The following FARS2 variants were observed in gnomAD, a reference collection of about 807,000 sequenced individuals.
The protein encoded by FARS2 is phenylalanyl-tRNA synthetase 2, mitochondrial.
FARS2 carries 40 observed loss-of-function variants against 46.4 expected under a neutral mutation model. The observed-to-expected ratio is 0.86, with a 90% confidence interval of 0.67 to 1.12. The LOEUF (loss-of-function observed/expected upper bound fraction) is 1.12, where lower values mean the gene tolerates loss of function less well. Among genes scored for constraint, FARS2 ranks in the 50% most tolerant of loss-of-function variants. The pLI, the probability that FARS2 is intolerant of heterozygous loss-of-function variation, is 0.00. For missense variants in FARS2, 513 were observed against 567.9 expected (o/e 0.90, Z 0.98); for synonymous variants, 234 against 214.9 (o/e 1.09, Z -0.78).
chr6:5,542,803 A>G (rs972670161), intron 4 of FARS2, among the ~76,000 whole-genome samples: 1 of 152,112 alleles, frequency 6.6e-6, no homozygotes, highest in Non-Finnish European at 1.5e-5. Flanking sequence ...ATTTAAATAT[A>G]TTTTCTGATT....
chr6:5,399,133 A>T (rs990109263), intron 2 of FARS2, among the ~76,000 whole-genome samples: 693 of 42,238 alleles, frequency 0.016, 9 homozygotes, highest in African/African-American at 0.08. Flanking sequence ...TTATTTTATT[A>T]TTATTATTAT....
intron 6 of FARS2, among the ~76,000 whole-genome samples, chr6:5,616,259 G>T (rs1031487033): frequency 2.0e-5 from 3 of 152,128 alleles, no homozygotes; most frequent in Non-Finnish European, 2.9e-5. Flanking sequence ...GCTGTGGAGT[G>T]CCAATTCAGC....
At chr6:5,497,957 G>A (rs1284210900) in intron 4 of FARS2, among the ~76,000 whole-genome samples, 1 of 152,184 alleles carries the variant, frequency 6.6e-6, no homozygotes, top group African/African-American at 2.4e-5. Context: ...CTATAATTTA[G>A]GGATTGTGTA....
At position 5,566,764 on chromosome 6, in the gene FARS2, G is replaced by A. The variant is rs1772346041; in HGVS notation, c.1065+21424G>A. On this transcript the variant is annotated intron_variant, in intron 5 of 6. Coordinates refer to ENST00000274680, the MANE Select transcript of FARS2 (RefSeq NM_006567.5). Reference sequence around the variant, plus strand: ...TTAAGAAAATCCTTTTAAATCCCTTGTTACTTGACTTTAGCCACACCAAGC... The same window carrying A: ...TTAAGAAAATCCTTTTAAATCCCTTATTACTTGACTTTAGCCACACCAAGC... Among the ~76,000 whole-genome samples the A allele has an allele frequency of 2.0e-5, 3 of 152,182 alleles. No individual in the cohort carries two copies. In the South Asian group the frequency reaches 6.2e-4, roughly 32 times the overall value.
At chr6:5,273,338 C>T (rs4499975) in intron 1 of FARS2, among the ~76,000 whole-genome samples, 78,711 of 151,826 alleles carry the variant, frequency 0.52, 20,816 homozygotes, top group East Asian at 0.84. Flanking sequence ...TCTTTTATTC[C>T]CTTTTTGATA....
the FARS2 span, among the ~76,000 whole-genome samples, chr6:5,250,994 A>G: frequency 3.9e-5 from 6 of 152,346 alleles, no homozygotes; most frequent in African/African-American, 1.4e-4. Context: ...CCTCAGCCCC[A>G]GTACATTCTG....
intron 6 of FARS2, among the ~76,000 whole-genome samples, chr6:5,736,542 TTA>T (rs1464628607): frequency 2.6e-5 from 4 of 152,226 alleles, no homozygotes; most frequent in Admixed American, 2.6e-4. Context: ...CAGAATAAGG[TTA>T]TGTCCACATT....
chr6:5,618,471 C>T (rs17140992), intron 6 of FARS2, among the ~76,000 whole-genome samples: 6,046 of 152,190 alleles, frequency 0.04, 401 homozygotes, highest in African/African-American at 0.13. Flanking sequence ...AAGTGTGAGA[C>T]GTGATAGGAC....
At chr6:5,578,236 G>A (rs957946011) in intron 5 of FARS2, among the ~76,000 whole-genome samples, 4 of 152,174 alleles carry the variant, frequency 2.6e-5, no homozygotes, top group Non-Finnish European at 4.4e-5. Flanking sequence ...TGGTGCTGGT[G>A]TCCAAGAGAA....
At chr6:5,592,054 G>A (rs551356685) in intron 5 of FARS2, among the ~76,000 whole-genome samples, 1 of 152,270 alleles carries the variant, frequency 6.6e-6, no homozygotes, top group Non-Finnish European at 1.5e-5. Context: ...TTTTGTAGAT[G>A]CTCATATTTT....
At chr6:5,447,722 CA>C (rs1393089303) in intron 4 of FARS2, among the ~76,000 whole-genome samples, 1 of 152,150 alleles carries the variant, frequency 6.6e-6, no homozygotes, top group East Asian at 1.9e-4. Flanking sequence ...GAGGATAAAA[CA>C]ATAAATGTTT....
At chr6:5,750,490 C>T (rs1761884231) in intron 6 of FARS2, among the ~76,000 whole-genome samples, 1 of 152,062 alleles carries the variant, frequency 6.6e-6, no homozygotes, top group Non-Finnish European at 1.5e-5. Flanking sequence ...ATAAACAAGA[C>T]GACCAGAGAG....
intron 4 of FARS2, among the ~76,000 whole-genome samples, chr6:5,491,312 A>G (rs189167836): frequency 5.8e-4 from 89 of 152,224 alleles, no homozygotes; most frequent in African/African-American, 2.0e-3. Context: ...CTTCCCTGAA[A>G]ATTTGTTGCC....
intron 6 of FARS2, among the ~76,000 whole-genome samples, chr6:5,669,300 CAG>C (rs1268549504): frequency 2.6e-5 from 4 of 152,078 alleles, no homozygotes; most frequent in South Asian, 4.1e-4. Flanking sequence ...TCCTGAGAAA[CAG>C]AGAAAGTTGC....
chr6:5,663,578 A>G (rs1183181464), intron 6 of FARS2, among the ~76,000 whole-genome samples: 1 of 152,188 alleles, frequency 6.6e-6, no homozygotes, highest in Admixed American at 6.5e-5. Flanking sequence ...CTAAAGAAAA[A>G]GTGGAGAGGA....
intron 1 of FARS2, among the ~76,000 whole-genome samples, chr6:5,312,092 A>G (rs1769117518): frequency 6.6e-6 from 1 of 152,218 alleles, no homozygotes; most frequent in South Asian, 2.1e-4. Flanking sequence ...GAATGTCTGA[A>G]ACTTACAAAT....
intron 6 of FARS2, among the ~76,000 whole-genome samples, chr6:5,741,374 G>A (rs1761328470): frequency 6.6e-6 from 1 of 152,176 alleles, no homozygotes; most frequent in African/African-American, 2.4e-5. Context: ...CTATGATGCC[G>A]TGTCTTTCCC....
intron 4 of FARS2, among the ~76,000 whole-genome samples, chr6:5,472,624 A>T (rs537023542): frequency 6.6e-6 from 1 of 152,286 alleles, no homozygotes; most frequent in African/African-American, 2.4e-5. Flanking sequence ...GACTGATTAA[A>T]TTCTGCCCAT....
At chr6:5,444,442 G>A (rs1244551078) in intron 4 of FARS2, among the ~76,000 whole-genome samples, 2 of 130,282 alleles carry the variant, frequency 1.5e-5, no homozygotes, top group Non-Finnish European at 1.5e-5. Context: ...ACTCCAGCCT[G>A]GGTGACAAGG....
Sources: gnomAD v4.1 joint callset for allele counts (sites outside exome capture counted in the v4.1 genomes callset) on GRCh38, gnomAD v4.1.1 for gene constraint, MANE v1.5 for transcripts, NCBI Gene and HGNC (gene_info 2026-07-23, HGNC 2026-07-21) for gene names.